ARID5B: variants seen among roughly 807,000 people sequenced by gnomAD.
The protein encoded by ARID5B is AT-rich interaction domain 5B.
Under a neutral mutation model 97.2 loss-of-function variants are expected in ARID5B, and 13 were observed. The ratio of observed to expected loss-of-function variants is 0.13; its 90% CI spans 0.09 to 0.21. ARID5B has a LOEUF of 0.21. Ranked by LOEUF, ARID5B falls within the 10% of genes least tolerant of loss-of-function variation. The pLI is 1.00. For missense variants in ARID5B, 1,210 were observed against 1,465.3 expected (o/e 0.83, Z 2.84); for synonymous variants, 556 against 570.3 (o/e 0.97, Z 0.36).
At chr10:62,051,717 T>A (rs937219371) in intron 5 of ARID5B, among the ~76,000 whole-genome samples, 6 of 152,220 alleles carry the variant, frequency 3.9e-5, no homozygotes, top group Non-Finnish European at 7.3e-5. Flanking sequence ...TAGACTTACC[T>A]TTCTGACTTT....
At chr10:62,087,542 A>C (rs543330684) in intron 9 of ARID5B, among the ~76,000 whole-genome samples, 3 of 151,730 alleles carry the variant, frequency 2.0e-5, no homozygotes, top group Admixed American at 1.3e-4. Context: ...TAAAAAAAAA[A>C]AAAAACTGAG....
chr10:61,999,259 G>A (rs1204632680), intron 3 of ARID5B, among the ~76,000 whole-genome samples: 1 of 152,170 alleles, frequency 6.6e-6, no homozygotes, highest in South Asian at 2.1e-4. Flanking sequence ...CTTTTCAGAG[G>A]CTCCAAGCAC....
rs188371600 is a variant in ARID5B at position 62,062,668 on chromosome 10, T to C, written c.1101+3373T>C. 1.2e-4 allele frequency among the ~76,000 whole-genome samples: 19 copies of C among 152,028 alleles called. No homozygotes were observed. The East Asian group carries it at 3.5e-3, about 28-fold the overall frequency. ...AGTTTCTGACAAGTATTTTTGCATT[T>C]GGTAAAATGGTAGTCTAAGTTGGAA... On this transcript the variant is annotated intron_variant, in intron 7 of 9. Coordinates refer to ENST00000279873, the MANE Select transcript of ARID5B (RefSeq NM_032199.3).
chr10:61,951,725 G>A (rs1838326654), intron 3 of ARID5B, among the ~76,000 whole-genome samples: 1 of 152,192 alleles, frequency 6.6e-6, no homozygotes. Flanking sequence ...AGTGCTGTTA[G>A]TATTTGTATA....
chr10:61,940,582 G>A (rs573911824), intron 3 of ARID5B, among the ~76,000 whole-genome samples, 174 bp downstream of exon 3: 3 of 152,160 alleles, frequency 2.0e-5, no homozygotes, highest in Non-Finnish European at 4.4e-5. Flanking sequence ...AGGGATGAGT[G>A]TTACCTGTTG....
intron 2 of ARID5B, among the ~76,000 whole-genome samples, chr10:61,922,262 G>A (rs1289669002): frequency 1.3e-5 from 2 of 152,218 alleles, no homozygotes. Flanking sequence ...AATGAGGAAG[G>A]AGGATCCTGT....
At chr10:61,960,924 A>C (rs540216928) in intron 3 of ARID5B, among the ~76,000 whole-genome samples, 3 of 152,384 alleles carry the variant, frequency 2.0e-5, no homozygotes, top group African/African-American at 7.2e-5. Context: ...GGCAAGTTGT[A>C]GAGTATCAGT....
intron 4 of ARID5B, among the ~76,000 whole-genome samples, chr10:62,004,009 G>A (rs1839115834): frequency 6.6e-6 from 1 of 152,166 alleles, no homozygotes; most frequent in East Asian, 1.9e-4. Context: ...AAGAAAAATA[G>A]AATAGATGAA....
Position 62,092,377 on chromosome 10 carries a change from C to T in ARID5B, c.2914C>T (p.Leu972Phe). The change falls in exon 10 of 10, where the codon CTT becomes TTT. Residue 972 changes from leucine to phenylalanine, a missense_variant. Physicochemically the swap from Leu to Phe is conservative, Grantham distance 22 (BLOSUM62 0). This residue lies in a region of ARID5B where 800 missense variants were observed against 839.1 expected (regional missense o/e 0.95). Transcript: ENST00000279873. ...MSGPKKYPES[L>F]SRSGKPHHVR... is the part of the protein sequence containing the mutation. ...AGGCCCTAAAAAATACCCTGAATCG[C>T]TTTCAAGATCAGGAAAACCTCACCA... 6.2e-7 allele frequency: 1 copy of T among 1,614,214 alleles called. No homozygotes were observed. Among genetic ancestry groups the T allele is most frequent in the Non-Finnish European group, 8.5e-7 (1 of 1,180,034 alleles).
intron 3 of ARID5B, among the ~76,000 whole-genome samples, chr10:61,962,806 A>T (rs538268661): frequency 2.6e-5 from 4 of 152,222 alleles, no homozygotes; most frequent in African/African-American, 9.6e-5. Flanking sequence ...AGTGTTAGTT[A>T]TCCGTTAAGT....
At chr10:61,944,734 G>T (rs1457735110) in intron 3 of ARID5B, among the ~76,000 whole-genome samples, 2 of 152,122 alleles carry the variant, frequency 1.3e-5, no homozygotes, top group African/African-American at 4.8e-5. Context: ...TGTATTTTAG[G>T]CCAAGGTTAT....
At chr10:62,067,242 C>T (rs984706928) in intron 7 of ARID5B, among the ~76,000 whole-genome samples, 11 of 152,108 alleles carry the variant, frequency 7.2e-5, no homozygotes, top group African/African-American at 2.4e-4. Flanking sequence ...GCGCCACCAC[C>T]CCGGCTGATT....
At chr10:62,062,514 G>A (rs947824625) in intron 7 of ARID5B, among the ~76,000 whole-genome samples, 1 of 152,168 alleles carries the variant, frequency 6.6e-6, no homozygotes, top group Non-Finnish European at 1.5e-5. Flanking sequence ...ACTTAGCCAA[G>A]TGTTTCCCAT....
intron 3 of ARID5B, among the ~76,000 whole-genome samples, chr10:61,988,662 A>G (rs1458550392): frequency 6.6e-6 from 1 of 152,164 alleles, no homozygotes; most frequent in Admixed American, 6.5e-5. Context: ...ATAGTTGGCC[A>G]AAAGGAACCT....
intron 3 of ARID5B, among the ~76,000 whole-genome samples, chr10:61,955,877 C>T (rs35611998): frequency 6.6e-6 from 1 of 152,150 alleles, no homozygotes. Context: ...TCTCGAACTC[C>T]TGAGCTCAAG....
At chr10:62,082,437 T>C (rs900752951) in intron 8 of ARID5B, among the ~76,000 whole-genome samples, 1 of 152,142 alleles carries the variant, frequency 6.6e-6, no homozygotes, top group Non-Finnish European at 1.5e-5. Flanking sequence ...ATTCTTAGAG[T>C]TGCAGTCCAT....
intron 2 of ARID5B, 95 bp downstream of exon 2, chr10:61,902,508 C>A: frequency 6.7e-7 from 1 of 1,500,964 alleles, no homozygotes; most frequent in Non-Finnish European, 9.0e-7. Context: ...GTATTCACTT[C>A]TGCAGGCAAG....
At chr10:61,947,957 G>A (rs964196453) in intron 3 of ARID5B, among the ~76,000 whole-genome samples, 5 of 152,172 alleles carry the variant, frequency 3.3e-5, no homozygotes, top group African/African-American at 9.7e-5. Flanking sequence ...CTGCAGCCAC[G>A]AAAGCTTCTT....
chr10:62,090,845 T>C lies in ARID5B; in HGVS notation c.1399-17T>C. On this transcript the variant is annotated splice_polypyrimidine_tract_variant and intron_variant, in intron 9 of 9. Transcript: ENST00000279873. ...TATTTGGTTTTCTTCTGACTGTCTTTTGAAATATGTTACCAGGTTTCATCA... is the reference window on the plus strand; with the variant it reads ...TATTTGGTTTTCTTCTGACTGTCTTCTGAAATATGTTACCAGGTTTCATCA... 6.5e-7 allele frequency: 1 copy of C among 1,542,518 alleles called. No homozygotes were observed.
Sources: gnomAD v4.1 joint callset for allele counts (sites outside exome capture counted in the v4.1 genomes callset) on GRCh38, gnomAD v4.1.1 for gene constraint, gnomAD v4.1.1 regional missense constraint, MANE v1.5 for transcripts, NCBI Gene and HGNC (gene_info 2026-07-23, HGNC 2026-07-21) for gene names.